Variants in TRPM3 observed in about 807,000 individuals in gnomAD.
TRPM3 encodes the protein long transient receptor potential channel 3.
TRPM3 carries 77 observed loss-of-function variants against 181.2 expected under a neutral mutation model. The observed-to-expected ratio is 0.42, with a 90% CI of 0.35 to 0.51. TRPM3 has a LOEUF of 0.51. TRPM3 is among the 20% of genes least tolerant of loss of function. The probability of loss-of-function intolerance (pLI) is 0.01; values close to 1 mark genes in which losing one functional copy is unlikely to be tolerated. For missense variants in TRPM3, 1,759 were observed against 2,196.7 expected (o/e 0.80, Z 3.98); for synonymous variants, 745 against 796.4 (o/e 0.94, Z 1.09).
chr9:70,869,862 AC>A (rs1157832929), intron 1 of TRPM3, among the ~76,000 whole-genome samples: 3 of 152,104 alleles, frequency 2.0e-5, no homozygotes, highest in Non-Finnish European at 4.4e-5. Context: ...GTATTCAGTC[AC>A]ATAGAAAGGG....
chr9:71,379,393 C>G (rs1273514447), intron 1 of TRPM3, among the ~76,000 whole-genome samples: 1 of 152,056 alleles, frequency 6.6e-6, no homozygotes, highest in Non-Finnish European at 1.5e-5. Flanking sequence ...TTAGCATAGT[C>G]AATTGACTAA....
intron 1 of TRPM3, among the ~76,000 whole-genome samples, chr9:71,158,644 C>T (rs1013625798): frequency 1.3e-5 from 2 of 152,112 alleles, no homozygotes; most frequent in African/African-American, 2.4e-5. Context: ...ATAATAATGT[C>T]TCTCTTATAG....
intron 19 of TRPM3, among the ~76,000 whole-genome samples, chr9:70,610,068 T>A (rs940145829): frequency 6.6e-6 from 1 of 152,246 alleles, no homozygotes. Context: ...GAGTAGTTTT[T>A]GCTGCTGTGG....
chr9:70,894,843 A>C (rs1010567347), intron 1 of TRPM3, among the ~76,000 whole-genome samples: 1 of 152,160 alleles, frequency 6.6e-6, no homozygotes, highest in Non-Finnish European at 1.5e-5. Context: ...AGAAGCTTAC[A>C]TTTTAGTGTC....
At chr9:70,682,668 T>C (rs947628271) in intron 8 of TRPM3, among the ~76,000 whole-genome samples, 1 of 152,136 alleles carries the variant, frequency 6.6e-6, no homozygotes, top group Non-Finnish European at 1.5e-5. Context: ...TGATAACTAA[T>C]GGCAGAGAAA....
chr9:70,773,654 G>A (rs1323652031), intron 7 of TRPM3, among the ~76,000 whole-genome samples: 4 of 152,008 alleles, frequency 2.6e-5, no homozygotes, highest in African/African-American at 7.2e-5. Flanking sequence ...TTTTTCATAG[G>A]CAATTGCTCA....
intron 1 of TRPM3, among the ~76,000 whole-genome samples, chr9:71,445,301 T>G (rs1238327978): frequency 2.0e-5 from 3 of 152,220 alleles, no homozygotes; most frequent in Non-Finnish European, 4.4e-5. Context: ...AAAAAACAGA[T>G]GTCATGAATT....
At chr9:70,948,569 A>G (rs2096961359) in intron 1 of TRPM3, among the ~76,000 whole-genome samples, 1 of 152,228 alleles carries the variant, frequency 6.6e-6, no homozygotes, top group Admixed American at 6.5e-5. Context: ...GCTTCAGGTT[A>G]AAGATGAATG....
At chr9:70,556,285 A>T (rs2047683558) in intron 22 of TRPM3, among the ~76,000 whole-genome samples, 1 of 146,322 alleles carries the variant, frequency 6.8e-6, no homozygotes, top group Admixed American at 6.8e-5. Context: ...TAATATCTTT[A>T]TTGAAGATTT....
intron 1 of TRPM3, among the ~76,000 whole-genome samples, chr9:71,195,651 T>C (rs2078304003): frequency 6.6e-6 from 1 of 152,122 alleles, no homozygotes; most frequent in African/African-American, 2.4e-5. Context: ...TAGAGATACA[T>C]GCATGAATAT....
chr9:70,890,566 C>T (rs2096183224), intron 1 of TRPM3, among the ~76,000 whole-genome samples: 2 of 151,944 alleles, frequency 1.3e-5, no homozygotes, highest in African/African-American at 2.4e-5. Context: ...TAAGATTCTA[C>T]AGGCTTCCAG....
chr9:70,742,120 A>G (rs2074245097), intron 8 of TRPM3, among the ~76,000 whole-genome samples: 1 of 152,170 alleles, frequency 6.6e-6, no homozygotes, highest in Non-Finnish European at 1.5e-5. Flanking sequence ...CCACATTTTA[A>G]TGACATAGGA....
chr9:71,155,481 T>TTTTCATTTTA (rs1554836126), intron 1 of TRPM3, among the ~76,000 whole-genome samples: 3 of 128,906 alleles, frequency 2.3e-5, no homozygotes, highest in African/African-American at 8.9e-5. Context: ...ACCATGCTTA[T>TTTTCATTTTA]TTTTATTTTA....
Position 70,860,056 on chromosome 9 carries a change from TG to T in TRPM3, c.462+2851del, listed in dbSNP as rs559442393. Among the ~76,000 whole-genome samples, 296 of 152,300 alleles carry T rather than the reference TG, an allele frequency of 1.9e-3. 1 individual carries two copies. Among genetic ancestry groups the T allele is most frequent in the Non-Finnish European group, 4.6e-4 (31 of 68,008 alleles). On this transcript the variant is annotated intron_variant, in intron 3 of 25. Transcript: ENST00000677713. ...ATATTCTAACACATCTTTGGACTCC[TG>T]GGAAGTAAAGGAAGCTGTTTCACTA...
chr9:71,245,783 T>C (rs1746904366), intron 1 of TRPM3, among the ~76,000 whole-genome samples: 1 of 152,170 alleles, frequency 6.6e-6, no homozygotes, highest in African/African-American at 2.4e-5. Context: ...TGAATGTGGA[T>C]AACTAAAGGA....
Position 70,984,675 on chromosome 9 carries a change from C to T in TRPM3, c.178-120164G>A, listed in dbSNP as rs28713386. On this transcript the variant is annotated intron_variant, in intron 1 of 25. Coordinates refer to ENST00000677713, the MANE Select transcript of TRPM3 (RefSeq NM_001366145.2). ...AAATTGGAGTGATGTGGCCAGGAGA[C>T]AAGGAATGCTGTCCCACTCCAATGC... Among the ~76,000 whole-genome samples, 334 of 152,254 alleles carry T rather than the reference C, an allele frequency of 2.2e-3. 1 individual carries two copies. Among genetic ancestry groups the T allele is most frequent in the African/African-American group, 7.8e-3 (324 of 41,556 alleles).
At chr9:71,403,237 C>T (rs561164854) in intron 1 of TRPM3, among the ~76,000 whole-genome samples, 1 of 152,156 alleles carries the variant, frequency 6.6e-6, no homozygotes, top group African/African-American at 2.4e-5. Context: ...CTGTCTATGG[C>T]TGCTTTCATG....
intron 7 of TRPM3, among the ~76,000 whole-genome samples, chr9:70,767,514 T>G (rs1176393998): frequency 3.9e-5 from 6 of 152,154 alleles, no homozygotes; most frequent in African/African-American, 1.4e-4. Flanking sequence ...ATTTGTTGTG[T>G]TGATAATTTT....
Position 70,884,847 on chromosome 9 carries a change from G to A in TRPM3, c.178-20336C>T, listed in dbSNP as rs2096061132. ...AAAACTCCTGCTAAAAATCATCCCA[G>A]GAGTTTGTGAAAAATGCATACTCTG... On this transcript the variant is annotated intron_variant, in intron 1 of 25. Transcript: ENST00000677713. Among the ~76,000 whole-genome samples the A allele has an allele frequency of 2.6e-5, 4 of 152,264 alleles. No homozygotes were observed. In the South Asian group the frequency reaches 8.3e-4, roughly 32 times the overall value.
Sources: gnomAD v4.1 joint callset for allele counts (sites outside exome capture counted in the v4.1 genomes callset) on GRCh38, gnomAD v4.1.1 for gene constraint, MANE v1.5 for transcripts, NCBI Gene and HGNC (gene_info 2026-07-23, HGNC 2026-07-21) for gene names.